The following PACSIN2 variants were observed in gnomAD, a reference collection of about 807,000 sequenced individuals.
The protein encoded by PACSIN2 is protein kinase C and casein kinase substrate in neurons 2.
PACSIN2 carries 25 observed loss-of-function variants against 63.8 expected under a neutral mutation model. The ratio of observed to expected loss-of-function variants is 0.39; its 90% CI spans 0.29 to 0.55. The LOEUF is 0.55. Ranked by LOEUF, PACSIN2 falls within the 20% of genes least tolerant of loss-of-function variation. The pLI is 0.62. For missense variants in PACSIN2, 518 were observed against 646.9 expected, an observed-to-expected ratio of 0.80 and a Z score of 2.16; for synonymous variants, 255 against 256.2, an observed-to-expected ratio of 1.00 and a Z score of 0.05.
chr22:43,010,399 T>TATATATATATATATATATA (rs1388431678), intron 1 of PACSIN2, among the ~76,000 whole-genome samples: 1 of 32,496 alleles, frequency 3.1e-5, no homozygotes, highest in Non-Finnish European at 5.7e-5. Context: ...TATATATATA[T>TATATATATATATATATATA]TTTTTTTTAA....
At chr22:42,939,277 G>C (rs759951962) in intron 1 of PACSIN2, among the ~76,000 whole-genome samples, 1 of 152,170 alleles carries the variant, frequency 6.6e-6, no homozygotes, top group African/African-American at 2.4e-5. Flanking sequence ...CAAGCACCCT[G>C]GGAATGTGGA....
At chr22:42,966,497 T>C (rs1318890037) in intron 1 of PACSIN2, among the ~76,000 whole-genome samples, 6 of 152,252 alleles carry the variant, frequency 3.9e-5, no homozygotes, top group Non-Finnish European at 7.3e-5. Context: ...ATCAGTTCTA[T>C]CTTTGGCAAA....
At chr22:42,911,407 TAA>T (rs75497964) in intron 2 of PACSIN2, among the ~76,000 whole-genome samples, 53 of 111,378 alleles carry the variant, frequency 4.8e-4, no homozygotes, top group Admixed American at 6.7e-4. Context: ...CCTCAACTGT[TAA>T]AAAAAAAAAA....
chr22:43,005,881 G>C (rs1349762992), intron 1 of PACSIN2, among the ~76,000 whole-genome samples: 1 of 152,112 alleles, frequency 6.6e-6, no homozygotes, highest in Non-Finnish European at 1.5e-5. Context: ...CCCTCAGTTT[G>C]ATGGCATTAG....
chr22:42,899,265 C>T (rs738397), intron 2 of PACSIN2, among the ~76,000 whole-genome samples: 97,833 of 151,932 alleles, frequency 0.64, 33,051 homozygotes, highest in African/African-American at 0.84. Flanking sequence ...TGACTTACGG[C>T]ATGGCTCCTT....
At chr22:42,948,292 G>C (rs1423360164) in intron 1 of PACSIN2, among the ~76,000 whole-genome samples, 1 of 152,156 alleles carries the variant, frequency 6.6e-6, no homozygotes, top group African/African-American at 2.4e-5. Context: ...TCCACCACAA[G>C]AGTGACTTCT....
intron 1 of PACSIN2, among the ~76,000 whole-genome samples, chr22:42,920,919 C>A (rs960604751): frequency 3.3e-5 from 5 of 151,188 alleles, no homozygotes; most frequent in Admixed American, 3.3e-4. Context: ...CCTCCCACCT[C>A]GGCCTCCCCA....
intron 2 of PACSIN2, among the ~76,000 whole-genome samples, chr22:42,911,590 C>G (rs1037170376): frequency 1.3e-5 from 2 of 152,204 alleles, no homozygotes; most frequent in African/African-American, 4.8e-5. Flanking sequence ...ATTTGGCCCT[C>G]TGGCCACTTG....
At chr22:42,994,719 G>A (rs984818612) in intron 1 of PACSIN2, among the ~76,000 whole-genome samples, 1 of 152,178 alleles carries the variant, frequency 6.6e-6, no homozygotes, top group Non-Finnish European at 1.5e-5. Flanking sequence ...ACCCTATAGG[G>A]ACAGTCACAC....
At chr22:42,879,874 C>T (rs1468447689) in intron 7 of PACSIN2, among the ~76,000 whole-genome samples, 3 of 152,204 alleles carry the variant, frequency 2.0e-5, no homozygotes, top group African/African-American at 7.2e-5. Flanking sequence ...TTTTGCTGCC[C>T]TGGGACTTTT....
intron 2 of PACSIN2, among the ~76,000 whole-genome samples, chr22:42,899,115 G>C (rs919705772): frequency 6.6e-6 from 1 of 152,262 alleles, no homozygotes; most frequent in Admixed American, 6.5e-5. Flanking sequence ...TGGGCCCTAA[G>C]AGGGTGTGGA....
chr22:42,987,624 C>T (rs1415883829), intron 1 of PACSIN2, among the ~76,000 whole-genome samples: 5 of 148,030 alleles, frequency 3.4e-5, no homozygotes, highest in African/African-American at 1.0e-4. Flanking sequence ...CTCCGCCTCC[C>T]GGGTTCAAGC....
intron 1 of PACSIN2, among the ~76,000 whole-genome samples, chr22:42,930,622 T>A (rs1048487570): frequency 6.6e-6 from 1 of 152,218 alleles, no homozygotes; most frequent in Non-Finnish European, 1.5e-5. Flanking sequence ...CATTTTGAAA[T>A]AACAAAAGGC....
rs1375971980 is a variant in PACSIN2 at position 42,987,238 on chromosome 22, T to C, written c.-78+27783A>G. Among the ~76,000 whole-genome samples, 3 of 152,052 alleles carry C rather than the reference T, an allele frequency of 2.0e-5. No individual in the cohort carries two copies. In the East Asian group the frequency reaches 5.8e-4, roughly 29 times the overall value. On this transcript the variant is annotated intron_variant, in intron 1 of 10. Transcript: ENST00000263246. ...TATCTCTCTGAGCCTCCATTTCATT[T>C]ATGTGTAAAAAAGTGATAACAGCAC... is the stretch of plus-strand genomic sequence containing the variant.
At chr22:42,908,878 C>T (rs74473611) in intron 2 of PACSIN2, among the ~76,000 whole-genome samples, 3 of 152,136 alleles carry the variant, frequency 2.0e-5, no homozygotes, top group Non-Finnish European at 2.9e-5. Flanking sequence ...GACCATGTTA[C>T]TGAGAGGCAG....
rs1924804616 is a variant in PACSIN2 at position 43,015,108 on chromosome 22, G to GCAGCACTGCC, written c.-175_-166dup. 1 of 152,786 alleles carries GCAGCACTGCC rather than the reference G, an allele frequency of 6.5e-6. No individual in the cohort carries two copies. Among genetic ancestry groups the GCAGCACTGCC allele is most frequent in the Non-Finnish European group, 1.5e-5 (1 of 68,668 alleles). The allele number at this position is 152,786 out of a possible 1,614,324, so 9.5% of individuals were successfully genotyped here. On this transcript the variant is annotated 5_prime_UTR_variant, in exon 1 of 11. Coordinates refer to ENST00000263246, the MANE Select transcript of PACSIN2 (RefSeq NM_001184970.3). ...GGCTCCCGCTACCGCTTTTGCTCCG[G>GCAGCACTGCC]CAGCACTGCCCAGCCCTGCCCAGAC...
intron 1 of PACSIN2, among the ~76,000 whole-genome samples, chr22:42,981,387 C>T (rs1922108308): frequency 1.4e-5 from 2 of 140,366 alleles, no homozygotes; most frequent in South Asian, 2.3e-4. Flanking sequence ...CCAGCCGCCC[C>T]GTCCGGGAGG....
intron 1 of PACSIN2, among the ~76,000 whole-genome samples, chr22:42,919,565 G>A (rs1041843207): frequency 2.0e-5 from 3 of 151,994 alleles, no homozygotes; most frequent in African/African-American, 4.8e-5. Flanking sequence ...ATGAGGTCAG[G>A]AGTTTAAGAC....
intron 2 of PACSIN2, among the ~76,000 whole-genome samples, chr22:42,910,418 T>C (rs759122907): frequency 1.4e-4 from 22 of 152,316 alleles, no homozygotes; most frequent in Admixed American, 4.6e-4. Context: ...GCCAGCTCCA[T>C]AAGCGCTCCT....
Sources: gnomAD v4.1 joint callset for allele counts (sites outside exome capture counted in the v4.1 genomes callset) on GRCh38, gnomAD v4.1.1 for gene constraint, MANE v1.5 for transcripts, NCBI Gene and HGNC (gene_info 2026-07-23, HGNC 2026-07-21) for gene names.